The following ARHGEF33 variants were observed in gnomAD, a reference collection of about 807,000 sequenced individuals.
The protein encoded by ARHGEF33 is Rho guanine nucleotide exchange factor 33.
ARHGEF33 carries 72 observed loss-of-function variants against 101.9 expected under a neutral mutation model. The observed-to-expected ratio is 0.71, with a 90% CI of 0.58 to 0.86. ARHGEF33 has a LOEUF of 0.86. Ranked by LOEUF, ARHGEF33 falls within the 40% of genes least tolerant of loss-of-function variation. The probability of loss-of-function intolerance (pLI) is 0.00; values close to 1 mark genes in which losing one functional copy is unlikely to be tolerated. For synonymous variants in ARHGEF33, 499 were observed against 442.5 expected (o/e 1.13, Z -1.60); for missense variants, 1,169 against 1,111.3 (o/e 1.05, Z -0.74).
At position 38,950,860 on chromosome 2, in the gene ARHGEF33, C is replaced by A. The variant is rs939889407; in HGVS notation, c.921-129C>A. 1.3e-5 allele frequency: 11 copies of A among 832,040 alleles called. No individual in the cohort carries two copies. The African/African-American group carries it at 1.7e-4, about 13-fold the overall frequency. 51.5% of individuals were successfully genotyped at this position (832,040 alleles called of 1,614,324 possible). ...TGTGCAATGAAAAACTTTAAAAAAT[C>A]CTTAATGCAGGCCTGTGACTCACAG... is the stretch of plus-strand genomic sequence containing the variant. On this transcript the variant is annotated intron_variant, in intron 10 of 17. Coordinates refer to ENST00000409978, the MANE Select transcript of ARHGEF33 (RefSeq NM_001145451.5).
rs919041360 is a variant in ARHGEF33, at chr2:38,935,797, T to C, written c.528T>C (p.His176=). 4 of 1,552,204 alleles carry C rather than the reference T, an allele frequency of 2.6e-6. No homozygotes were observed. Among genetic ancestry groups the C allele is most frequent in the Non-Finnish European group, 1.7e-6 (2 of 1,147,026 alleles). ...CAGCCCAAGAGTCCAGATCTGTTCA[T>C]GTAGGAGACAGTAATGTAAAAGGAA... is the stretch of plus-strand genomic sequence containing the variant. ...YEKAQESRSV[H]VGDSNVKGMM... Residue 176 remains histidine (H), a synonymous_variant, in exon 8 of 18, where the codon CAT becomes CAC. Coordinates refer to ENST00000409978, the MANE Select transcript of ARHGEF33 (RefSeq NM_001145451.5).
At chr2:38,893,186 C>G (rs998995504) in intron 1 of ARHGEF33, among the ~76,000 whole-genome samples, 6 of 144,364 alleles carry the variant, frequency 4.2e-5, no homozygotes, top group African/African-American at 1.5e-4. Flanking sequence ...TTTTTTGAGA[C>G]AAGGTCTCAC....
At chr2:38,899,727 A>G (rs1310054840) in intron 2 of ARHGEF33, among the ~76,000 whole-genome samples, 2 of 152,224 alleles carry the variant, frequency 1.3e-5, no homozygotes, top group East Asian at 3.9e-4. Flanking sequence ...AACAATGACA[A>G]GTATATAAGG....
At chr2:38,919,267 C>G in intron 2 of ARHGEF33, 96 bp from the exon 3 acceptor site, 1 of 591,822 alleles carries the variant, frequency 1.7e-6, no homozygotes, top group Non-Finnish European at 3.1e-6. Flanking sequence ...GTACCTCAAG[C>G]TGTGTTCATT....
intron 14 of ARHGEF33, 21 bp from the exon 15 acceptor site, chr2:38,958,013 C>A (rs1372495528): frequency 6.4e-7 from 1 of 1,552,092 alleles, no homozygotes; most frequent in Admixed American, 2.0e-5. Flanking sequence ...AACCTGAGAA[C>A]TGTTATTTCC....
chr2:38,935,049 A>G (rs1380877759), intron 7 of ARHGEF33, among the ~76,000 whole-genome samples: 1 of 69,010 alleles, frequency 1.4e-5, no homozygotes, highest in African/African-American at 5.3e-5. Flanking sequence ...AGGTGCAGTT[A>G]AAAAAAAAAA....
chr2:38,967,949 T>TA (rs1367304314), intron 17 of ARHGEF33, among the ~76,000 whole-genome samples: 11 of 147,254 alleles, frequency 7.5e-5, no homozygotes, highest in Non-Finnish European at 1.7e-4. Flanking sequence ...TTTTTTTTTT[T>TA]TTTTTTTTTT....
intron 16 of ARHGEF33, among the ~76,000 whole-genome samples, chr2:38,962,477 T>C (rs1459108357): frequency 6.6e-6 from 1 of 152,126 alleles, no homozygotes; most frequent in Non-Finnish European, 1.5e-5. Context: ...TTACCAGACA[T>C]ACCAAATAAC....
intron 2 of ARHGEF33, among the ~76,000 whole-genome samples, chr2:38,898,224 C>G (rs1404275398): frequency 1.3e-5 from 2 of 152,080 alleles, no homozygotes; most frequent in African/African-American, 4.8e-5. Context: ...AGATATATTG[C>G]TAAAATCAAA....
chr2:38,914,664 C>CAA (rs199737558), intron 2 of ARHGEF33, among the ~76,000 whole-genome samples: 22 of 95,906 alleles, frequency 2.3e-4, no homozygotes, highest in African/African-American at 8.0e-4. Context: ...GACTCCATCT[C>CAA]AAAAAAAAAA....
chr2:38,944,643 G>A (rs1667394587), intron 10 of ARHGEF33, among the ~76,000 whole-genome samples: 1 of 152,140 alleles, frequency 6.6e-6, no homozygotes, highest in Non-Finnish European at 1.5e-5. Flanking sequence ...TCTCTAACAT[G>A]TCTTTTAAAA....
chr2:38,916,419 A>T (rs1666635955), intron 2 of ARHGEF33, among the ~76,000 whole-genome samples: 1 of 152,234 alleles, frequency 6.6e-6, no homozygotes, highest in African/African-American at 2.4e-5. Context: ...TGGCTGTAAC[A>T]TTCTGTGATT....
At chr2:38,920,230 A>G (rs1431385805) in intron 3 of ARHGEF33, among the ~76,000 whole-genome samples, 1 of 152,128 alleles carries the variant, frequency 6.6e-6, no homozygotes, top group African/African-American at 2.4e-5. Context: ...TTTGATGCAT[A>G]CAGTGTGACA....
chr2:38,939,946 G>C (rs569224043), intron 9 of ARHGEF33, among the ~76,000 whole-genome samples: 8 of 152,282 alleles, frequency 5.3e-5, no homozygotes, highest in African/African-American at 1.9e-4. Context: ...TTCACATTTA[G>C]GTCTATGACT....
chr2:38,905,829 A>T (rs1666375039), intron 2 of ARHGEF33, among the ~76,000 whole-genome samples: 1 of 152,232 alleles, frequency 6.6e-6, no homozygotes, highest in Non-Finnish European at 1.5e-5. Flanking sequence ...TTCCAGTGGC[A>T]TCAGAACAAG....
At chr2:38,916,626 C>G (rs987612389) in intron 2 of ARHGEF33, among the ~76,000 whole-genome samples, 1 of 152,152 alleles carries the variant, frequency 6.6e-6, no homozygotes, top group Non-Finnish European at 1.5e-5. Flanking sequence ...ATGGCCTTGA[C>G]TTTGGGCTTT....
At chr2:38,968,834 G>A (rs985013971) in intron 17 of ARHGEF33, among the ~76,000 whole-genome samples, 19 of 152,206 alleles carry the variant, frequency 1.2e-4, no homozygotes, top group African/African-American at 4.6e-4. Context: ...GGTGCTTAGG[G>A]TGCTGCAGTG....
At chr2:38,921,469 ATGAC>A (rs1666755400) in intron 4 of ARHGEF33, 46 bp downstream of exon 4, 2 of 1,223,830 alleles carry the variant, frequency 1.6e-6, no homozygotes, top group South Asian at 2.6e-5. Context: ...TATAATAGCA[ATGAC>A]TGACTATTCT....
At chr2:38,914,664 C>CAAAAAAAA (rs199737558) in intron 2 of ARHGEF33, among the ~76,000 whole-genome samples, 1 of 95,956 alleles carries the variant, frequency 1.0e-5, no homozygotes. Flanking sequence ...GACTCCATCT[C>CAAAAAAAA]AAAAAAAAAA....
Sources: gnomAD v4.1 joint callset for allele counts (sites outside exome capture counted in the v4.1 genomes callset) on GRCh38, gnomAD v4.1.1 for gene constraint, MANE v1.5 for transcripts, NCBI Gene and HGNC (gene_info 2026-07-23, HGNC 2026-07-21) for gene names.